The following CACNA1E variants were observed in gnomAD, a reference collection of about 807,000 sequenced individuals.
The protein encoded by CACNA1E is calcium voltage-gated channel subunit alpha1 E, also known as voltage-dependent R-type calcium channel subunit alpha-1E.
A neutral mutation model predicts 259.2 loss-of-function variants in CACNA1E; 40 were observed. That is an observed-to-expected ratio of 0.15 (90% confidence interval 0.12 to 0.20). The LOEUF (loss-of-function observed/expected upper bound fraction) is 0.20, where lower values mean the gene tolerates loss of function less well. Ranked by LOEUF, CACNA1E falls within the 10% of genes least tolerant of loss-of-function variation. The probability of loss-of-function intolerance (pLI) is 1.00; values close to 1 mark genes in which losing one functional copy is unlikely to be tolerated. For synonymous variants in CACNA1E, 1,104 were observed against 1,138.5 expected, an observed-to-expected ratio of 0.97 and a Z score of 0.61; for missense variants, 1,874 against 3,040.1, an observed-to-expected ratio of 0.62 and a Z score of 9.02.
intron 35 of CACNA1E, among the ~76,000 whole-genome samples, 185 bp from the exon 36 acceptor site, chr1:181,771,108 G>A (rs1659467570): frequency 6.6e-6 from 1 of 152,152 alleles, no homozygotes. Flanking sequence ...TAGAGCAGTG[G>A]AGGATAATTA....
At chr1:181,751,693 C>T (rs73045128) in intron 26 of CACNA1E, among the ~76,000 whole-genome samples, 2,280 of 152,302 alleles carry the variant, frequency 0.015, 57 homozygotes, top group African/African-American at 0.052. Flanking sequence ...ATTTGAGAAC[C>T]TATCATTTGA....
In CACNA1E at chr1:181,716,323, A is replaced by G. The variant is rs75683482; in HGVS notation, c.1315+194A>G. 3.8e-3 allele frequency among the ~76,000 whole-genome samples: 562 copies of G among 148,610 alleles called. 9 individuals are homozygous for G. The highest frequency in any genetic ancestry group is 0.013 in the African/African-American group (536 of 40,724). ...AAAAAAAAAAAAAAAGGACCTGGGG[A>G]TGCTATTTATTCACACGAAACATGG... On this transcript the variant is annotated intron_variant, in intron 10 of 47. Coordinates refer to ENST00000367573, the MANE Select transcript of CACNA1E (RefSeq NM_001205293.3).
chr1:181,732,575 C>A lies in CACNA1E; in HGVS notation c.2489C>A (p.Pro830His). The A allele has an allele frequency of 6.5e-7, 1 of 1,528,058 alleles. No individual in the cohort carries two copies. The allele number at this position is 1,528,058 out of a possible 1,614,324, so 94.7% of individuals were successfully genotyped here. The change falls in exon 20 of 48, where the codon CCC (proline) becomes CAC (histidine). Residue 830 changes from proline (P) to histidine (H), a missense_variant. Physicochemically the swap from Pro to His is moderately conservative, Grantham distance 77. Around this residue, in one of 14 missense-constraint regions of CACNA1E, gnomAD observed 476 missense variants for 514.0 expected, o/e 0.93. Transcript: ENST00000367573. This position sits in a 1 kb window ranked among gnomAD's most constrained non-coding sequence, Gnocchi z 5.5. ...GCCCACCCCAGCCTTTATCGGCGAC[C>A]CAGGGCCATTGAGGGCCTGGCCCTG... is the stretch of plus-strand genomic sequence containing the variant. Reference protein sequence around the residue: ...LNAHPSLYRRPRAIEGLALGL... With the variant: ...LNAHPSLYRRHRAIEGLALGL...
chr1:181,548,246 T>C (rs983425910), intron 3 of CACNA1E, among the ~76,000 whole-genome samples: 1 of 151,486 alleles, frequency 6.6e-6, no homozygotes, highest in African/African-American at 2.4e-5. Flanking sequence ...TGCCTCAACC[T>C]CTTGAGTAGC....
At chr1:181,733,799 T>C in intron 21 of CACNA1E, 49 bp downstream of exon 21, 1 of 1,352,800 alleles carries the variant, frequency 7.4e-7, no homozygotes, top group Non-Finnish European at 9.8e-7. Flanking sequence ...CTATCCCATC[T>C]GGGGCTGGGG....
intron 7 of CACNA1E, among the ~76,000 whole-genome samples, chr1:181,669,375 C>T (rs3820260): frequency 0.12 from 18,913 of 152,124 alleles, 1,231 homozygotes; most frequent in South Asian, 0.24. Flanking sequence ...TCACTGTTCC[C>T]GGATTTCCCA....
In CACNA1E at chr1:181,732,288, A is replaced by G; in HGVS notation, c.2298-96A>G. 3 of 1,420,724 alleles carry G rather than the reference A, an allele frequency of 2.1e-6. No homozygotes were observed. Among genetic ancestry groups the G allele is most frequent in the Admixed American group, 3.2e-5 (1 of 31,252 alleles). The allele number at this position is 1,420,724 out of a possible 1,614,324, so 88.0% of individuals were successfully genotyped here. ...GTCCTGGGCACTCCCATTTGCCCCC[A>G]CCATGTGTCCTGCCCTCTCACATGG... On this transcript the variant is annotated intron_variant, in intron 19 of 47. Coordinates refer to ENST00000367573, the MANE Select transcript of CACNA1E (RefSeq NM_001205293.3). The surrounding 1 kb of genome is among the most constrained non-coding windows in gnomAD (Gnocchi z 5.5).
At chr1:181,453,881 G>A (rs1432656148) in intron 2 of CACNA1E, among the ~76,000 whole-genome samples, 1 of 152,190 alleles carries the variant, frequency 6.6e-6, no homozygotes, top group Non-Finnish European at 1.5e-5. Context: ...CTTAGCCCCT[G>A]ATAGGCTGGT....
chr1:181,355,259 C>G (rs1459004903), intron 1 of CACNA1E, among the ~76,000 whole-genome samples: 1 of 152,102 alleles, frequency 6.6e-6, no homozygotes, highest in Non-Finnish European at 1.5e-5. Context: ...AATAATGAGA[C>G]CTCCCTCATA....
intron 1 of CACNA1E, among the ~76,000 whole-genome samples, chr1:181,493,630 A>G (rs1234745233): frequency 6.6e-6 from 1 of 152,094 alleles, no homozygotes; most frequent in East Asian, 1.9e-4. Context: ...CAGTTGGTGG[A>G]TTTTTGGTGA....
intron 7 of CACNA1E, among the ~76,000 whole-genome samples, chr1:181,675,954 C>T (rs1050414600): frequency 4.5e-4 from 68 of 150,538 alleles, no homozygotes; most frequent in African/African-American, 1.6e-3. Flanking sequence ...TCCTCCCTTT[C>T]CTCCCTCCCA....
intron 1 of CACNA1E, among the ~76,000 whole-genome samples, chr1:181,503,447 G>T (rs1040079818): frequency 1.3e-5 from 2 of 152,186 alleles, no homozygotes; most frequent in African/African-American, 4.8e-5. Context: ...GTTTGGATGC[G>T]CTTTCCATAT....
intron 7 of CACNA1E, among the ~76,000 whole-genome samples, chr1:181,677,791 A>T (rs549745812): frequency 2.6e-5 from 4 of 152,360 alleles, no homozygotes; most frequent in Admixed American, 2.6e-4. Context: ...GCTGGAACTT[A>T]TATAAGCCCA....
At chr1:181,620,557 TA>T (rs371653575) in intron 6 of CACNA1E, among the ~76,000 whole-genome samples, 18 of 152,302 alleles carry the variant, frequency 1.2e-4, no homozygotes, top group East Asian at 9.6e-4. Flanking sequence ...CAACTTGTCA[TA>T]AGGTGTTTCT....
intron 7 of CACNA1E, among the ~76,000 whole-genome samples, chr1:181,685,173 G>A (rs1650392431): frequency 8.7e-6 from 1 of 114,974 alleles, no homozygotes; most frequent in South Asian, 2.9e-4. Context: ...TGCTTACAAA[G>A]GAAACATTTT....
chr1:181,593,363 C>T (rs954349170), intron 6 of CACNA1E, among the ~76,000 whole-genome samples: 2 of 152,096 alleles, frequency 1.3e-5, no homozygotes, highest in African/African-American at 2.4e-5. Flanking sequence ...GTGTTGTGAG[C>T]GTGCTCAGGT....
chr1:181,605,303 A>C (rs1369377141), intron 6 of CACNA1E, among the ~76,000 whole-genome samples: 1 of 148,818 alleles, frequency 6.7e-6, no homozygotes, highest in Non-Finnish European at 1.5e-5. Context: ...ACAGAAGCAG[A>C]AGAAAAAGGG....
chr1:181,345,223 A>ATCG (rs1239764912), intron 1 of CACNA1E, among the ~76,000 whole-genome samples: 2 of 152,260 alleles, frequency 1.3e-5, no homozygotes, highest in African/African-American at 4.8e-5. Context: ...GTGAGCCGTC[A>ATCG]TCGGCTGTGC....
intron 1 of CACNA1E, among the ~76,000 whole-genome samples, chr1:181,491,036 C>T (rs1664272073): frequency 6.6e-6 from 1 of 152,224 alleles, no homozygotes; most frequent in Non-Finnish European, 1.5e-5. Context: ...GGAAGTTTTT[C>T]AAACTTTCTG....
Sources: gnomAD v4.1 joint callset for allele counts (sites outside exome capture counted in the v4.1 genomes callset) on GRCh38, gnomAD v4.1.1 for gene constraint, gnomAD v4.1.1 regional missense constraint, Gnocchi (gnomAD v3.1) non-coding constraint, MANE v1.5 for transcripts, NCBI Gene and HGNC (gene_info 2026-07-23, HGNC 2026-07-21) for gene names.